The following RYR2 variants were observed in gnomAD, a reference collection of about 807,000 sequenced individuals.
The protein encoded by RYR2 is ryanodine receptor 2.
A neutral mutation model predicts 601.1 loss-of-function variants in RYR2; 227 were observed. The observed-to-expected ratio is 0.38, with a 90% CI of 0.34 to 0.42. The LOEUF is 0.42. RYR2 is among the 10% of genes least tolerant of loss of function. RYR2 has a pLI of 1.00. For missense variants in RYR2, 4,646 were observed against 6,156.5 expected, an observed-to-expected ratio of 0.75 and a Z score of 8.21; for synonymous variants, 2,223 against 2,175.1, an observed-to-expected ratio of 1.02 and a Z score of -0.61.
intron 97 of RYR2, among the ~76,000 whole-genome samples, chr1:237,799,600 A>G (rs1175337731): frequency 6.6e-6 from 1 of 152,214 alleles, no homozygotes; most frequent in Non-Finnish European, 1.5e-5. Flanking sequence ...TTAGAAGAAT[A>G]AAGTTCTGGT....
chr1:237,256,416 A>G (rs1687989316), intron 1 of RYR2, among the ~76,000 whole-genome samples: 1 of 152,320 alleles, frequency 6.6e-6, no homozygotes. Flanking sequence ...ACACCTGTGT[A>G]TGGTGATTAT....
chr1:237,374,816 G>A (rs745859125), intron 7 of RYR2, 21 bp downstream of exon 7: 3 of 1,599,790 alleles, frequency 1.9e-6, no homozygotes, highest in South Asian at 2.2e-5. Flanking sequence ...TGTGCTGCGG[G>A]AAGCCAGGTT....
At chr1:237,522,158 G>A (rs1212414623) in intron 24 of RYR2, among the ~76,000 whole-genome samples, 1 of 152,040 alleles carries the variant, frequency 6.6e-6, no homozygotes, top group Non-Finnish European at 1.5e-5. Context: ...GTGTGATGTG[G>A]AATGCTGTTT....
chr1:237,545,423 A>G (rs984887679), intron 25 of RYR2, among the ~76,000 whole-genome samples: 16 of 152,330 alleles, frequency 1.1e-4, no homozygotes, highest in African/African-American at 3.8e-4. Flanking sequence ...GAATGCATGT[A>G]TCCCTCATTA....
chr1:237,693,468 C>T (rs1687126011), intron 63 of RYR2, among the ~76,000 whole-genome samples: 1 of 152,120 alleles, frequency 6.6e-6, no homozygotes, highest in Non-Finnish European at 1.5e-5. Context: ...GGACACTCCT[C>T]AGAGTTAGTG....
chr1:237,215,492 T>C (rs1683056928), intron 1 of RYR2, among the ~76,000 whole-genome samples: 1 of 152,216 alleles, frequency 6.6e-6, no homozygotes, highest in Admixed American at 6.5e-5. Flanking sequence ...ATATTTCCTT[T>C]TATTATTTCA....
chr1:237,724,708 T>G (rs938624138), intron 74 of RYR2, among the ~76,000 whole-genome samples: 4 of 151,776 alleles, frequency 2.6e-5, no homozygotes, highest in African/African-American at 9.7e-5. Context: ...GAGTTTTATC[T>G]CCAGAATTAT....
At chr1:237,612,138 A>G (rs1041904358) in intron 36 of RYR2, among the ~76,000 whole-genome samples, 3 of 152,170 alleles carry the variant, frequency 2.0e-5, no homozygotes, top group Non-Finnish European at 4.4e-5. Context: ...CTTTGAAGAC[A>G]TTATATTAAG....
At chr1:237,720,248 C>G (rs1689608994) in intron 73 of RYR2, among the ~76,000 whole-genome samples, 1 of 152,074 alleles carries the variant, frequency 6.6e-6, no homozygotes. Context: ...TGAAAATACG[C>G]AAATGTCAAA....
At chr1:237,140,634 C>T (rs1673289547) in intron 1 of RYR2, among the ~76,000 whole-genome samples, 1 of 152,196 alleles carries the variant, frequency 6.6e-6, no homozygotes, top group African/African-American at 2.4e-5. Context: ...TGAAATCAGG[C>T]ACTCCTAGTT....
intron 100 of RYR2, among the ~76,000 whole-genome samples, chr1:237,816,682 C>G (rs190034127): frequency 8.7e-6 from 1 of 114,344 alleles, no homozygotes; most frequent in African/African-American, 3.6e-5. Flanking sequence ...GAGCGAGACT[C>G]TATGTAGAAA....
chr1:237,660,911 T>C lies in RYR2; in HGVS notation c.8400T>C (p.Leu2800=). The C allele has an allele frequency of 6.6e-7, 1 of 1,506,746 alleles. No homozygotes were observed. Among genetic ancestry groups the C allele is most frequent in the Non-Finnish European group, 8.9e-7 (1 of 1,123,848 alleles). 93.3% of individuals were successfully genotyped at this position (1,506,746 alleles called of 1,614,324 possible). The change falls in exon 56 of 105, where the codon CTT becomes CTC. Residue 2800 remains leucine (L), a synonymous_variant. Transcript: ENST00000366574. ...ERTREGDSMA[L]YNRTRRISQT... ...CTCGGGAGGGAGACAGCATGGCCCT[T>C]TACAACCGGACTCGTCGTATTTCTC...
chr1:237,531,068 C>T (rs1215943711), intron 25 of RYR2, among the ~76,000 whole-genome samples: 2 of 151,574 alleles, frequency 1.3e-5, no homozygotes, highest in East Asian at 1.9e-4. Context: ...GTGTTATTTT[C>T]CCAGTGTGTG....
intron 101 of RYR2, among the ~76,000 whole-genome samples, chr1:237,827,001 TCAGAA>T (rs1285931364): frequency 6.6e-6 from 1 of 152,198 alleles, no homozygotes. Context: ...TTTTTCTCTC[TCAGAA>T]AAGTCATGTT....
At chr1:237,805,858 A>G (rs746245155) in intron 98 of RYR2, among the ~76,000 whole-genome samples, 14 of 152,096 alleles carry the variant, frequency 9.2e-5, no homozygotes, top group Non-Finnish European at 1.9e-4. Context: ...CCGTCATCCT[A>G]CAGCGGTATA....
At chr1:237,702,168 C>T (rs1032078849) in intron 66 of RYR2, 109 bp downstream of exon 66, 22 of 640,284 alleles carry the variant, frequency 3.4e-5, no homozygotes, top group East Asian at 5.7e-5. Context: ...TAAACTAAAC[C>T]GGATTGACCT....
At position 237,610,878 on chromosome 1, in the gene RYR2, C is replaced by G; in HGVS notation, c.4800C>G (p.Pro1600=). ...CACACGTCCTGTGGAGCAGAATGCC[C>G]AACCAGTTTTTGAAGGTAGATGTGT... ...FLSHVLWSRM[P]NQFLKVDVSR... is the part of the protein sequence containing the mutation. Residue 1600 remains proline (P), a synonymous_variant, in exon 36 of 105, where the codon CCC becomes CCG. Transcript: ENST00000366574. The surrounding 1 kb of genome is among the most constrained non-coding windows in gnomAD (Gnocchi z 4.9). The G allele has an allele frequency of 6.2e-7, 1 of 1,613,402 alleles. No homozygotes were observed. Among genetic ancestry groups the G allele is most frequent in the Non-Finnish European group, 8.5e-7 (1 of 1,179,694 alleles).
chr1:237,150,220 G>A (rs61831953), intron 1 of RYR2, among the ~76,000 whole-genome samples: 4 of 152,194 alleles, frequency 2.6e-5, no homozygotes, highest in African/African-American at 9.7e-5. Context: ...AGCAAGACCT[G>A]TCTGACTTCA....
At chr1:237,145,129 T>C (rs950272973) in intron 1 of RYR2, among the ~76,000 whole-genome samples, 4 of 151,844 alleles carry the variant, frequency 2.6e-5, no homozygotes, top group Non-Finnish European at 5.9e-5. Context: ...AGATGACGGG[T>C]TGATGGGTGC....
Sources: allele counts gnomAD v4.1 joint callset (sites outside exome capture counted in the v4.1 genomes callset), GRCh38; gene constraint gnomAD v4.1.1; non-coding constraint Gnocchi (gnomAD v3.1); transcripts MANE v1.5; gene names NCBI Gene and HGNC (gene_info 2026-07-23, HGNC 2026-07-21).